RFFL: variants seen among roughly 807,000 people sequenced by gnomAD.
RFFL encodes the protein ring finger and FYVE like domain containing E3 ubiquitin protein ligase, also known as E3 ubiquitin-protein ligase rififylin.
In RFFL, 16 loss-of-function variants were observed where a neutral mutation model predicts 40.4. The ratio of observed to expected loss-of-function variants is 0.40; its 90% CI spans 0.27 to 0.60. The LOEUF is 0.60. RFFL is among the 20% of genes least tolerant of loss of function. The pLI is 0.47. For synonymous variants in RFFL, 154 were observed against 167.9 expected, an observed-to-expected ratio of 0.92 and a Z score of 0.64; for missense variants, 367 against 451.7, an observed-to-expected ratio of 0.81 and a Z score of 1.70.
chr17:35,012,316 T>A (rs2090946113), intron 6 of RFFL, among the ~76,000 whole-genome samples, 167 bp from the exon 7 acceptor site: 1 of 152,212 alleles, frequency 6.6e-6, no homozygotes, highest in African/African-American at 2.4e-5. Context: ...AAACATTTCC[T>A]CAATAACCAA....
At chr17:35,078,490 C>A (rs1353142730) in intron 1 of RFFL, among the ~76,000 whole-genome samples, 1 of 152,102 alleles carries the variant, frequency 6.6e-6, no homozygotes, top group Non-Finnish European at 1.5e-5. Context: ...TTTTTGGAGA[C>A]AAGGTTTTGC....
At chr17:35,051,205 A>C (rs2091229911) in intron 1 of RFFL, among the ~76,000 whole-genome samples, 2 of 152,202 alleles carry the variant, frequency 1.3e-5, no homozygotes, top group Admixed American at 1.3e-4. Flanking sequence ...AGACATGCAT[A>C]TGGGTAAAGG....
At chr17:35,058,149 C>A (rs1254692986) in intron 1 of RFFL, among the ~76,000 whole-genome samples, 2 of 151,988 alleles carry the variant, frequency 1.3e-5, no homozygotes, top group Non-Finnish European at 2.9e-5. Flanking sequence ...TCAATCAAGT[C>A]CTAGAAGCAG....
At position 35,008,536 on chromosome 17, in the gene RFFL, TCCTC is replaced by T. The variant is rs2090912679; in HGVS notation, c.*3428_*3431del. The T allele has an allele frequency of 6.6e-6, 1 of 152,070 alleles. No homozygotes were observed. The highest frequency in any genetic ancestry group is 1.5e-5 in the Non-Finnish European group (1 of 68,008). The allele number at this position is 152,070 out of a possible 1,614,324, so 9.4% of individuals were successfully genotyped here. ...AGCTTCAATCTCCTGGCTCAAGTGA[TCCTC>T]CCACCTCAGCCTTCCAAGTAGTTGG... On this transcript the variant is annotated 3_prime_UTR_variant, in exon 7 of 7. Coordinates refer to ENST00000394597, the MANE Select transcript of RFFL (RefSeq NM_001017368.2).
At chr17:35,074,866 T>C (rs2091368422) in intron 1 of RFFL, among the ~76,000 whole-genome samples, 1 of 152,312 alleles carries the variant, frequency 6.6e-6, no homozygotes, top group South Asian at 2.1e-4. Context: ...GAAGAATGCA[T>C]ACAATTTCAT....
At position 35,024,513 on chromosome 17, in the gene RFFL, T is replaced by C. The variant is rs11870927; in HGVS notation, c.180+1861A>G. Among the ~76,000 whole-genome samples the C allele has an allele frequency of 7.8e-3, 1,193 of 152,200 alleles. 15 individuals carry two copies. The highest frequency in any genetic ancestry group is 0.027 in the African/African-American group (1,141 of 41,524). On this transcript the variant is annotated intron_variant, in intron 2 of 6. Transcript: ENST00000394597. Reference sequence around the variant, plus strand: ...CTAAACCACAGGGAGGTATTACCAATAGAGATGGGGTATTTGGCTTGTGGC... The same window carrying C: ...CTAAACCACAGGGAGGTATTACCAACAGAGATGGGGTATTTGGCTTGTGGC...
At chr17:35,067,948 G>T (rs904747578), upstream of RFFL, among the ~76,000 whole-genome samples, 1 of 152,124 alleles carries the variant, frequency 6.6e-6, no homozygotes, top group Non-Finnish European at 1.5e-5. Context: ...AATACAAACT[G>T]TATTCACTTT....
At chr17:35,072,851 C>A (rs1052284463) in intron 1 of RFFL, among the ~76,000 whole-genome samples, 10 of 152,108 alleles carry the variant, frequency 6.6e-5, no homozygotes, top group African/African-American at 2.2e-4. Flanking sequence ...CGAGACCAGC[C>A]TGACCAACAT....
chr17:35,069,271 A>G, intron 1 of RFFL: 1 of 456,656 alleles, frequency 2.2e-6, no homozygotes, highest in South Asian at 1.5e-5. Context: ...GTTTCCACTA[A>G]TAATGCCCCA....
At position 35,010,757 on chromosome 17, in the gene RFFL, A is replaced by AG. The variant is rs1213106288; in HGVS notation, c.*1210_*1211insC. On this transcript the variant is annotated 3_prime_UTR_variant, in exon 7 of 7. Coordinates refer to ENST00000394597, the MANE Select transcript of RFFL (RefSeq NM_001017368.2). ...ACAGAGTGAGACTCAAAAAAAAAAA[A>AG]AAAATGCTTTCTCCCTGACCTGCCC... The AG allele has an allele frequency of 6.6e-6, 1 of 151,756 alleles. No homozygotes were observed. The highest frequency in any genetic ancestry group is 1.5e-5 in the Non-Finnish European group (1 of 67,992). 9.4% of individuals were successfully genotyped at this position (151,756 alleles called of 1,614,324 possible).
chr17:35,073,630 T>C (rs926531560), intron 1 of RFFL, among the ~76,000 whole-genome samples: 3 of 152,198 alleles, frequency 2.0e-5, no homozygotes, highest in African/African-American at 7.2e-5. Context: ...CTCAGGCTTC[T>C]TACTGAAAAT....
intron 1 of RFFL, among the ~76,000 whole-genome samples, chr17:35,031,122 T>C (rs2091080187): frequency 6.6e-6 from 1 of 152,018 alleles, no homozygotes; most frequent in Admixed American, 6.5e-5. Flanking sequence ...CTAACTTTTT[T>C]TTGGGATGGA....
chr17:35,063,172 C>G (rs566784739), intron 1 of RFFL, among the ~76,000 whole-genome samples: 1 of 152,070 alleles, frequency 6.6e-6, no homozygotes, highest in Admixed American at 6.6e-5. Flanking sequence ...AAGAAAACTT[C>G]TGGCCGGGGG....
intron 1 of RFFL, among the ~76,000 whole-genome samples, chr17:35,037,527 C>A (rs2091131390): frequency 6.6e-6 from 1 of 152,236 alleles, no homozygotes; most frequent in Non-Finnish European, 1.5e-5. Flanking sequence ...TAGCCACTCT[C>A]TGCTGGAAGA....
chr17:35,018,544 A>C (rs1411937723), intron 3 of RFFL: 1 of 152,228 alleles, frequency 6.6e-6, no homozygotes. Context: ...GTCTGAGCTC[A>C]CAGGCCTTTT....
At chr17:35,021,810 A>G (rs533247547) in intron 2 of RFFL, 29 bp from the exon 3 acceptor site, 12 of 1,612,916 alleles carry the variant, frequency 7.4e-6, no homozygotes, top group Non-Finnish European at 1.0e-5. Context: ...ACAGGAAACC[A>G]TGTCAGATTG....
At position 35,021,789 on chromosome 17, in the gene RFFL, G is replaced by A. The variant is rs1241824033; in HGVS notation, c.181-8C>T. On this transcript the variant is annotated splice_region_variant and splice_polypyrimidine_tract_variant and intron_variant, in intron 2 of 6. Coordinates refer to ENST00000394597, the MANE Select transcript of RFFL (RefSeq NM_001017368.2). The stretch of plus-strand genomic sequence containing the variant: ...ACAGTCCAAGCAGGTCTGCTGCTTA[G>A]AGCAAAAGACACAGGAAACCATGTC... 1 of 1,614,136 alleles carries A rather than the reference G, an allele frequency of 6.2e-7. No individual in the cohort carries two copies. The highest frequency in any genetic ancestry group is 8.5e-7 in the Non-Finnish European group (1 of 1,179,988).
At chr17:35,082,941 G>A (rs1033513027) in intron 1 of RFFL, among the ~76,000 whole-genome samples, 9 of 152,134 alleles carry the variant, frequency 5.9e-5, no homozygotes, top group Admixed American at 6.5e-5. Context: ...TAGGGATAAC[G>A]TATCTAGTGC....
At position 35,011,469 on chromosome 17, in the gene RFFL, G is replaced by C. The variant is rs2090937675; in HGVS notation, c.*499C>G. 6.4e-6 allele frequency: 1 copy of C among 156,028 alleles called. No homozygotes were observed. 9.7% of individuals were successfully genotyped at this position (156,028 alleles called of 1,614,324 possible). Reference sequence around the variant, plus strand: ...CATTTTTGGTCCAAAGAAACAAATGGATTTAGGCAATGTAGCAAGAGACTT... The same window carrying C: ...CATTTTTGGTCCAAAGAAACAAATGCATTTAGGCAATGTAGCAAGAGACTT... On this transcript the variant is annotated 3_prime_UTR_variant, in exon 7 of 7. Coordinates refer to ENST00000394597, the MANE Select transcript of RFFL (RefSeq NM_001017368.2).
Sources: gnomAD v4.1 joint callset for allele counts (sites outside exome capture counted in the v4.1 genomes callset) on GRCh38, gnomAD v4.1.1 for gene constraint, MANE v1.5 for transcripts, NCBI Gene and HGNC (gene_info 2026-07-23, HGNC 2026-07-21) for gene names.